PTPRD: variants seen among roughly 807,000 people sequenced by gnomAD.
The protein encoded by PTPRD is protein tyrosine phosphatase receptor type D.
Under a neutral mutation model 214.5 loss-of-function variants are expected in PTPRD, and 34 were observed. The ratio of observed to expected loss-of-function variants is 0.16; its 90% CI spans 0.12 to 0.21. The LOEUF is 0.21. Among genes scored for constraint, PTPRD ranks in the 10% least tolerant of loss-of-function variants. The pLI is 1.00. For synonymous variants in PTPRD, 1,128 were observed against 845.7 expected, an observed-to-expected ratio of 1.33 and a Z score of -5.79; for missense variants, 2,545 against 2,398.7, an observed-to-expected ratio of 1.06 and a Z score of -1.27.
At chr9:9,181,521 C>T (rs2099928211) in intron 10 of PTPRD, among the ~76,000 whole-genome samples, 1 of 151,832 alleles carries the variant, frequency 6.6e-6, no homozygotes, top group Non-Finnish European at 1.5e-5. Flanking sequence ...ATTTATGTAC[C>T]TCCTACTGTG....
chr9:10,588,667 T>C (rs1041469438), intron 2 of PTPRD, among the ~76,000 whole-genome samples: 1 of 152,016 alleles, frequency 6.6e-6, no homozygotes, highest in African/African-American at 2.4e-5. Flanking sequence ...ATTAAATTAC[T>C]AAGTATATTT....
chr9:8,869,912 G>C (rs953336975), intron 11 of PTPRD, among the ~76,000 whole-genome samples: 1 of 152,020 alleles, frequency 6.6e-6, no homozygotes, highest in Non-Finnish European at 1.5e-5. Flanking sequence ...CCATAACTAA[G>C]GTCCTAACAG....
At chr9:10,084,665 TA>T (rs1285163226) in intron 3 of PTPRD, among the ~76,000 whole-genome samples, 20 of 139,194 alleles carry the variant, frequency 1.4e-4, no homozygotes, top group Non-Finnish European at 2.8e-4. Flanking sequence ...GTTTAAATAA[TA>T]TTTTTTTTTA....
intron 14 of PTPRD, among the ~76,000 whole-genome samples, chr9:8,573,290 T>C (rs1029645526): frequency 4.6e-5 from 7 of 152,062 alleles, no homozygotes; most frequent in African/African-American, 1.7e-4. Context: ...TTGGTGCTAC[T>C]AAAGATATAC....
chr9:10,079,839 G>A (rs533774247), intron 3 of PTPRD, among the ~76,000 whole-genome samples: 20 of 152,056 alleles, frequency 1.3e-4, no homozygotes, highest in Non-Finnish European at 2.4e-4. Flanking sequence ...GACCCTAAAG[G>A]ATATGAAGTG....
At chr9:8,935,825 C>G (rs1346784227) in intron 11 of PTPRD, among the ~76,000 whole-genome samples, 5 of 152,192 alleles carry the variant, frequency 3.3e-5, no homozygotes. Flanking sequence ...CCCCCTTTCC[C>G]TTTCCATCCA....
intron 3 of PTPRD, among the ~76,000 whole-genome samples, chr9:10,174,018 T>C (rs1314434622): frequency 1.3e-5 from 2 of 152,150 alleles, no homozygotes; most frequent in African/African-American, 4.8e-5. Context: ...AATTAAGTAA[T>C]CTATTTAGAA....
At chr9:10,556,592 A>G (rs1046122626) in intron 2 of PTPRD, among the ~76,000 whole-genome samples, 3 of 152,098 alleles carry the variant, frequency 2.0e-5, no homozygotes, top group African/African-American at 7.2e-5. Context: ...CCTGTTTTTA[A>G]TCCCTAGGCT....
intron 3 of PTPRD, among the ~76,000 whole-genome samples, chr9:10,050,459 C>G (rs1470470243): frequency 7.0e-6 from 1 of 143,078 alleles, no homozygotes; most frequent in Non-Finnish European, 1.5e-5. Context: ...ACTTGGGAGG[C>G]TGAGGCAGGA....
At chr9:8,900,976 A>G (rs895787550) in intron 11 of PTPRD, among the ~76,000 whole-genome samples, 14 of 152,208 alleles carry the variant, frequency 9.2e-5, no homozygotes, top group African/African-American at 3.4e-4. Context: ...AGTACAGGTA[A>G]GTACATGATG....
intron 2 of PTPRD, among the ~76,000 whole-genome samples, chr9:10,457,008 G>C (rs117349376): frequency 1.1e-4 from 16 of 151,824 alleles, no homozygotes; most frequent in Non-Finnish European, 2.2e-4. Context: ...AGCCAAAATA[G>C]CTCCAATTTC....
At chr9:8,475,161 C>T (rs1031768902) in intron 30 of PTPRD, among the ~76,000 whole-genome samples, 3 of 152,136 alleles carry the variant, frequency 2.0e-5, no homozygotes, top group African/African-American at 7.2e-5. Flanking sequence ...TAGGCTTTAG[C>T]GCCTGCCTCC....
At chr9:9,340,992 T>C (rs1218395428) in intron 9 of PTPRD, among the ~76,000 whole-genome samples, 1 of 152,150 alleles carries the variant, frequency 6.6e-6, no homozygotes, top group East Asian at 1.9e-4. Context: ...CAATATTGAA[T>C]GTGGTATGTA....
intron 4 of PTPRD, among the ~76,000 whole-genome samples, chr9:9,960,555 G>C (rs2094291579): frequency 6.6e-6 from 1 of 152,056 alleles, no homozygotes; most frequent in South Asian, 2.1e-4. Flanking sequence ...ATGATAGCAT[G>C]ATAGCATGTA....
intron 2 of PTPRD, among the ~76,000 whole-genome samples, chr9:10,568,039 A>G (rs2066188368): frequency 6.6e-6 from 1 of 151,662 alleles, no homozygotes; most frequent in Non-Finnish European, 1.5e-5. Context: ...ATATGTATAC[A>G]TGTGCCATGT....
intron 35 of PTPRD, among the ~76,000 whole-genome samples, chr9:8,435,735 G>T (rs1477272877): frequency 6.8e-6 from 1 of 147,614 alleles, no homozygotes; most frequent in East Asian, 2.0e-4. Flanking sequence ...ACACACGCAC[G>T]CACGTGCATA....
rs1451325006 is a variant in PTPRD at position 10,334,934 on chromosome 9, G to T, written c.-545+6029C>A. Among the ~76,000 whole-genome samples, 4 of 151,634 alleles carry T rather than the reference G, an allele frequency of 2.6e-5. No individual in the cohort carries two copies. In the East Asian group the frequency reaches 7.8e-4, roughly 29 times the overall value. ...TACACACTATGAAACTCTGATGAAAGAAATTAAAAATCTAAGTAAATGGAG... is the reference window on the plus strand; with the variant it reads ...TACACACTATGAAACTCTGATGAAATAAATTAAAAATCTAAGTAAATGGAG... On this transcript the variant is annotated intron_variant, in intron 3 of 45. Coordinates refer to ENST00000381196, the MANE Select transcript of PTPRD (RefSeq NM_002839.4).
intron 14 of PTPRD, among the ~76,000 whole-genome samples, chr9:8,580,659 T>C (rs1456702760): frequency 6.6e-6 from 1 of 152,046 alleles, no homozygotes; most frequent in African/African-American, 2.4e-5. Flanking sequence ...GAGTGATGAG[T>C]GAGAAAATTG....
At chr9:9,935,027 C>T (rs2088612877) in intron 5 of PTPRD, among the ~76,000 whole-genome samples, 1 of 151,990 alleles carries the variant, frequency 6.6e-6, no homozygotes, top group South Asian at 2.1e-4. Context: ...AATTCAACAA[C>T]CATTCATGCT....
Sources: allele counts gnomAD v4.1 joint callset (sites outside exome capture counted in the v4.1 genomes callset), GRCh38; gene constraint gnomAD v4.1.1; transcripts MANE v1.5; gene names NCBI Gene and HGNC (gene_info 2026-07-23, HGNC 2026-07-21).